Variants in OR10J1 observed in about 807,000 individuals in gnomAD.
The protein encoded by OR10J1 is olfactory receptor 10J1.
For missense variants in OR10J1, 474 were observed against 376.6 expected, an observed-to-expected ratio of 1.26 and a Z score of -2.14; for synonymous variants, 202 against 143.8, an observed-to-expected ratio of 1.40 and a Z score of -2.89.
Position 159,439,986 on chromosome 1 carries a change from G to T in OR10J1, c.195G>T (p.Met65Ile), listed in dbSNP as rs865831483. The change falls in exon 1 of 1, where the codon ATG (methionine) becomes ATT (isoleucine). Residue 65 changes from methionine to isoleucine, a missense_variant. Coordinates refer to ENST00000423932, the MANE Select transcript of OR10J1 (RefSeq NM_012351.3). ...LHTPMYFFLS[M>I]LSTSETVYTL... ...CACCCATGTACTTCTTCCTGAGCATGCTGTCCACTTCAGAGACTGTATATA... is the reference window on the plus strand; with the variant it reads ...CACCCATGTACTTCTTCCTGAGCATTCTGTCCACTTCAGAGACTGTATATA... 6.2e-7 allele frequency: 1 copy of T among 1,613,992 alleles called. No individual in the cohort carries two copies. Among genetic ancestry groups the T allele is most frequent in the Non-Finnish European group, 8.5e-7 (1 of 1,180,036 alleles).
At chr1:159,414,010 G>T in the OR10J1 span, among the ~76,000 whole-genome samples, 1 of 151,842 alleles carries the variant, frequency 6.6e-6, no homozygotes, top group African/African-American at 2.4e-5. Context: ...GTGAGTATTT[G>T]TTACATGCAG....
the OR10J1 span, among the ~76,000 whole-genome samples, chr1:159,407,889 T>A: frequency 4.2e-4 from 64 of 152,144 alleles, no homozygotes; most frequent in African/African-American, 1.5e-3. Context: ...GTCCCTGATG[T>A]TAAATAACTC....
the OR10J1 span, among the ~76,000 whole-genome samples, chr1:159,424,290 T>C: frequency 0.11 from 16,315 of 150,816 alleles, 1,128 homozygotes; most frequent in East Asian, 0.23. Context: ...AGATAATGCA[T>C]TAAAGAGGAA....
upstream of OR10J1, among the ~76,000 whole-genome samples, chr1:159,433,304 G>A (rs1655639101): frequency 6.6e-6 from 1 of 151,890 alleles, no homozygotes. Flanking sequence ...AAATATTAAT[G>A]AAAAAAAGAA....
At chr1:159,412,673 C>T in the OR10J1 span, among the ~76,000 whole-genome samples, 14 of 151,574 alleles carry the variant, frequency 9.2e-5, no homozygotes, top group East Asian at 5.8e-4. Flanking sequence ...TTACACCTTA[C>T]ACAAAAATTA....
At chr1:159,408,096 C>T in the OR10J1 span, among the ~76,000 whole-genome samples, 2 of 151,944 alleles carry the variant, frequency 1.3e-5, no homozygotes, top group African/African-American at 2.4e-5. Flanking sequence ...TTGCAGGCAG[C>T]ATCAAGTATG....
Position 159,440,522 on chromosome 1 carries a change from T to G in OR10J1, c.731T>G (p.Leu244Arg). The part of the protein sequence containing the change: ...KKAFATCASH[L>R]TVVIVHYSCA... Reference sequence around the variant, plus strand: ...GCTTTTGCCACCTGTGCATCCCACCTCACTGTGGTCATTGTCCACTACAGC... The same window carrying G: ...GCTTTTGCCACCTGTGCATCCCACCGCACTGTGGTCATTGTCCACTACAGC... Residue 244 changes from leucine (L) to arginine (R), a missense_variant, in exon 1 of 1, where the codon CTC (leucine) becomes CGC (arginine). Physicochemically the swap from Leu to Arg is moderately radical, Grantham distance 102. Transcript: ENST00000423932. 1.2e-6 allele frequency: 2 copies of G among 1,614,078 alleles called. No homozygotes were observed. Among genetic ancestry groups the G allele is most frequent in the African/African-American group, 2.7e-5 (2 of 75,004 alleles).
chr1:159,399,589 A>G, the OR10J1 span, among the ~76,000 whole-genome samples: 3 of 150,852 alleles, frequency 2.0e-5, no homozygotes, highest in East Asian at 1.9e-4. Flanking sequence ...AAAAAAAAAA[A>G]AAAAAGAAAG....
At chr1:159,408,910 A>C in the OR10J1 span, among the ~76,000 whole-genome samples, 1 of 152,072 alleles carries the variant, frequency 6.6e-6, no homozygotes, top group Non-Finnish European at 1.5e-5. Flanking sequence ...TTTGTGCTTC[A>C]TAGCAACATT....
chr1:159,423,376 T>C, the OR10J1 span, among the ~76,000 whole-genome samples: 1 of 152,230 alleles, frequency 6.6e-6, no homozygotes, highest in Non-Finnish European at 1.5e-5. Context: ...CAGGCACTGA[T>C]GATCCATTGA....
At chr1:159,405,310 G>C in the OR10J1 span, 1 of 152,232 alleles carries the variant, frequency 6.6e-6, no homozygotes, top group East Asian at 1.9e-4. Flanking sequence ...GGCAGGACCT[G>C]TGATGACATT....
At chr1:159,438,476 G>A (rs962411037), upstream of OR10J1, among the ~76,000 whole-genome samples, 1 of 152,198 alleles carries the variant, frequency 6.6e-6, no homozygotes, top group East Asian at 1.9e-4. Flanking sequence ...ATACCACTCC[G>A]TGGCTGGACT....
upstream of OR10J1, among the ~76,000 whole-genome samples, chr1:159,434,734 C>T (rs1036472906): frequency 2.0e-5 from 3 of 152,032 alleles, no homozygotes; most frequent in African/African-American, 4.8e-5. Flanking sequence ...CATGGTGAGT[C>T]GGACAATATC....
At chr1:159,412,512 G>C in the OR10J1 span, among the ~76,000 whole-genome samples, 1 of 146,258 alleles carries the variant, frequency 6.8e-6, no homozygotes, top group Non-Finnish European at 1.5e-5. Flanking sequence ...GAACAGAACA[G>C]AGCCCTCAGA....
the OR10J1 span, among the ~76,000 whole-genome samples, chr1:159,431,976 C>T: frequency 7.9e-5 from 12 of 152,278 alleles, no homozygotes; most frequent in Admixed American, 2.6e-4. Flanking sequence ...CATTTACTTC[C>T]TGTCAACAGA....
the OR10J1 span, among the ~76,000 whole-genome samples, chr1:159,420,834 C>CT: frequency 6.6e-6 from 1 of 151,838 alleles, no homozygotes; most frequent in Non-Finnish European, 1.5e-5. Flanking sequence ...AGAATTTTGT[C>CT]TTTTTCTTTG....
Position 159,440,208 on chromosome 1 carries a change from G to C in OR10J1, c.417G>C (p.Arg139Ser), listed in dbSNP as rs1220198900. 6.2e-7 allele frequency: 1 copy of C among 1,614,142 alleles called. No homozygotes were observed. Reference protein sequence around the residue: ...PLRYMVIMNKRLRIQLVLGAC... With the variant: ...PLRYMVIMNKSLRIQLVLGAC... ...GATACATGGTTATTATGAACAAGAG[G>C]CTGCGTATCCAACTTGTCCTGGGGG... The change falls in exon 1 of 1, where the codon AGG (arginine) becomes AGC (serine). Residue 139 changes from arginine (R) to serine (S), a missense_variant. Physicochemically the swap from Arg to Ser is moderately radical, Grantham distance 110 (BLOSUM62 -1). Transcript: ENST00000423932.
At chr1:159,407,858 G>C in the OR10J1 span, among the ~76,000 whole-genome samples, 2 of 152,046 alleles carry the variant, frequency 1.3e-5, no homozygotes, top group African/African-American at 4.8e-5. Flanking sequence ...TATTTACTGA[G>C]TGAATAAAGC....
chr1:159,404,376 A>G, the OR10J1 span, among the ~76,000 whole-genome samples: 3 of 152,028 alleles, frequency 2.0e-5, no homozygotes, highest in Non-Finnish European at 2.9e-5. Context: ...CTAGGCACCT[A>G]TTGTTTCCAG....
Sources: gnomAD v4.1 joint callset for allele counts (sites outside exome capture counted in the v4.1 genomes callset) on GRCh38, gnomAD v4.1.1 for gene constraint, MANE v1.5 for transcripts, NCBI Gene and HGNC (gene_info 2026-07-23, HGNC 2026-07-21) for gene names.